The following CDH12 variants were observed in gnomAD, a reference collection of about 807,000 sequenced individuals.
CDH12 encodes the protein cadherin-12.
Under a neutral mutation model 74.1 loss-of-function variants are expected in CDH12, and 41 were observed. The ratio of observed to expected loss-of-function variants is 0.55; its 90% CI spans 0.43 to 0.72. The LOEUF (loss-of-function observed/expected upper bound fraction) is 0.72. Among genes scored for constraint, CDH12 ranks in the 30% least tolerant of loss-of-function variants. The probability of loss-of-function intolerance (pLI) is 0.00; values close to 1 mark genes in which losing one functional copy is unlikely to be tolerated. For missense variants in CDH12, 945 were observed against 977.2 expected (o/e 0.97, Z 0.44); for synonymous variants, 399 against 355.0 (o/e 1.12, Z -1.39).
intron 6 of CDH12, among the ~76,000 whole-genome samples, chr5:21,894,980 A>G (rs1753056057): frequency 1.3e-5 from 2 of 150,792 alleles, no homozygotes; most frequent in South Asian, 4.2e-4. Flanking sequence ...AAAAACCAAA[A>G]TTACTTTTGC....
intron 1 of CDH12, among the ~76,000 whole-genome samples, chr5:22,571,388 G>T (rs913414020): frequency 2.0e-5 from 3 of 151,986 alleles, no homozygotes; most frequent in African/African-American, 7.3e-5. Flanking sequence ...GCGCAAAGGT[G>T]TGATCTTGGC....
intron 5 of CDH12, among the ~76,000 whole-genome samples, chr5:21,990,517 TCA>T (rs1757699040): frequency 6.6e-6 from 1 of 151,920 alleles, no homozygotes; most frequent in African/African-American, 2.4e-5. Context: ...GAATTTGGCT[TCA>T]CAGTTTGTTT....
chr5:21,869,920 A>G (rs930101411), intron 6 of CDH12, among the ~76,000 whole-genome samples: 26 of 152,142 alleles, frequency 1.7e-4, no homozygotes, highest in Non-Finnish European at 3.8e-4. Flanking sequence ...CTTATCTTCA[A>G]TTGTACTCCC....
At chr5:22,403,645 T>C (rs1477863871) in intron 3 of CDH12, among the ~76,000 whole-genome samples, 2 of 152,166 alleles carry the variant, frequency 1.3e-5, no homozygotes, top group Admixed American at 1.3e-4. Flanking sequence ...CAATCATAAA[T>C]GGTACTACCT....
At chr5:22,452,064 A>G (rs1054962053) in intron 2 of CDH12, among the ~76,000 whole-genome samples, 3 of 151,990 alleles carry the variant, frequency 2.0e-5, no homozygotes, top group African/African-American at 7.2e-5. Flanking sequence ...TTGAAAAAAT[A>G]AATTGAAAAG....
At chr5:21,805,752 A>G (rs962671841) in intron 9 of CDH12, among the ~76,000 whole-genome samples, 3 of 152,180 alleles carry the variant, frequency 2.0e-5, no homozygotes, top group Non-Finnish European at 2.9e-5. Flanking sequence ...TAAAAATCCC[A>G]GCATTTGAAA....
intron 8 of CDH12, among the ~76,000 whole-genome samples, chr5:21,824,860 T>A (rs1748572846): frequency 6.6e-6 from 1 of 152,030 alleles, no homozygotes; most frequent in African/African-American, 2.4e-5. Flanking sequence ...TTTAAAAGAC[T>A]AACAAAATAT....
intron 1 of CDH12, among the ~76,000 whole-genome samples, chr5:22,814,008 A>G (rs1749271836): frequency 6.6e-6 from 1 of 152,166 alleles, no homozygotes; most frequent in South Asian, 2.1e-4. Context: ...GGCAATAATG[A>G]CAATCTCAGA....
At chr5:22,227,676 T>G (rs1752241636) in intron 3 of CDH12, among the ~76,000 whole-genome samples, 1 of 152,112 alleles carries the variant, frequency 6.6e-6, no homozygotes, top group Admixed American at 6.6e-5. Context: ...TTCAAAACAC[T>G]GGGAAACTTC....
At chr5:22,715,614 C>A (rs1182496941) in intron 1 of CDH12, among the ~76,000 whole-genome samples, 2 of 151,732 alleles carry the variant, frequency 1.3e-5, no homozygotes, top group Non-Finnish European at 2.9e-5. Context: ...ACCAGCCTGA[C>A]CAACATGGTG....
intron 2 of CDH12, among the ~76,000 whole-genome samples, chr5:22,457,160 T>C (rs980092133): frequency 2.0e-5 from 3 of 152,090 alleles, no homozygotes; most frequent in African/African-American, 7.2e-5. Flanking sequence ...GCCCCAATAA[T>C]TGCCAGGGGA....
At chr5:22,543,683 A>T (rs1738197351) in intron 1 of CDH12, among the ~76,000 whole-genome samples, 1 of 152,112 alleles carries the variant, frequency 6.6e-6, no homozygotes, top group Non-Finnish European at 1.5e-5. Flanking sequence ...TCTACAATAA[A>T]CTAGCCTTGT....
intron 3 of CDH12, among the ~76,000 whole-genome samples, chr5:22,255,689 G>A (rs966012138): frequency 1.3e-5 from 2 of 151,300 alleles, no homozygotes; most frequent in African/African-American, 4.8e-5. Flanking sequence ...TTAATAAATG[G>A]CATTCTTGCT....
chr5:22,328,349 T>C (rs754072417), intron 3 of CDH12, among the ~76,000 whole-genome samples: 5 of 152,212 alleles, frequency 3.3e-5, no homozygotes, highest in Non-Finnish European at 7.3e-5. Context: ...ATATCAGACA[T>C]ATAAAGGAGG....
At chr5:21,994,620 A>T (rs557011508) in intron 5 of CDH12, among the ~76,000 whole-genome samples, 2 of 152,214 alleles carry the variant, frequency 1.3e-5, no homozygotes, top group Non-Finnish European at 2.9e-5. Context: ...CAAAGTCAGT[A>T]CAGCAGGTTT....
At chr5:22,824,127 C>T (rs1305451551) in intron 1 of CDH12, among the ~76,000 whole-genome samples, 1 of 152,046 alleles carries the variant, frequency 6.6e-6, no homozygotes, top group Non-Finnish European at 1.5e-5. Flanking sequence ...TCAATGGAAA[C>T]TAGAAGACAA....
intron 5 of CDH12, among the ~76,000 whole-genome samples, chr5:22,043,813 T>TA (rs1206926952): frequency 2.0e-5 from 3 of 151,912 alleles, no homozygotes; most frequent in African/African-American, 7.2e-5. Flanking sequence ...GTTAACTACC[T>TA]AAAAAATATT....
intron 5 of CDH12, among the ~76,000 whole-genome samples, chr5:21,984,117 A>G (rs1272389185): frequency 6.6e-6 from 1 of 152,160 alleles, no homozygotes. Flanking sequence ...ATATTTAAGA[A>G]TAAATAACCT....
chr5:22,176,123 A>T (rs1198305788), intron 4 of CDH12, among the ~76,000 whole-genome samples: 1 of 152,054 alleles, frequency 6.6e-6, no homozygotes, highest in Non-Finnish European at 1.5e-5. Context: ...ATCTTCAAAC[A>T]AACTCTATCA....
Sources: allele counts gnomAD v4.1 joint callset (sites outside exome capture counted in the v4.1 genomes callset), GRCh38; gene constraint gnomAD v4.1.1; transcripts MANE v1.5; gene names NCBI Gene and HGNC (gene_info 2026-07-23, HGNC 2026-07-21).